Variants in TTLL5 observed in about 807,000 individuals in gnomAD.
The protein encoded by TTLL5 is tubulin tyrosine ligase like 5.
A neutral mutation model predicts 168.4 loss-of-function variants in TTLL5; 132 were observed. The observed-to-expected ratio is 0.78, with a 90% CI of 0.68 to 0.91. The LOEUF (loss-of-function observed/expected upper bound fraction) is 0.91. Among genes scored for constraint, TTLL5 ranks in the 40% least tolerant of loss-of-function variants. The pLI, the probability that TTLL5 is intolerant of heterozygous loss-of-function variation, is 0.00. For missense variants in TTLL5, 1,545 were observed against 1,581.5 expected, an observed-to-expected ratio of 0.98 and a Z score of 0.39; for synonymous variants, 546 against 558.6, an observed-to-expected ratio of 0.98 and a Z score of 0.32.
At position 75,789,032 on chromosome 14, in the gene TTLL5, G is replaced by A. The variant is rs539949191; in HGVS notation, c.2987-3884G>A. Reference sequence around the variant, plus strand: ...CATGGTACATGCAGAAAAAGAATTCGATAAAATTCTGCACTCATTCATGAT... The same window carrying A: ...CATGGTACATGCAGAAAAAGAATTCAATAAAATTCTGCACTCATTCATGAT... On this transcript the variant is annotated intron_variant, in intron 26 of 31. Transcript: ENST00000298832. 4.6e-5 allele frequency among the ~76,000 whole-genome samples: 7 copies of A among 152,158 alleles called. No individual in the cohort carries two copies. The South Asian group carries it at 1.5e-3, about 32-fold the overall frequency.
At chr14:75,913,514 T>G (rs746870995) in intron 31 of TTLL5, among the ~76,000 whole-genome samples, 2 of 152,260 alleles carry the variant, frequency 1.3e-5, no homozygotes, top group African/African-American at 2.4e-5. Context: ...TCTAAAACTC[T>G]AGGGTCTAGC....
intron 28 of TTLL5, among the ~76,000 whole-genome samples, chr14:75,829,896 A>G (rs1024985013): frequency 6.6e-5 from 10 of 152,206 alleles, no homozygotes; most frequent in Admixed American, 5.2e-4. Flanking sequence ...TCAAGCTGGC[A>G]TATCCGTAAA....
intron 31 of TTLL5, among the ~76,000 whole-genome samples, chr14:75,918,155 A>G (rs1327369720): frequency 6.6e-6 from 1 of 152,210 alleles, no homozygotes; most frequent in Non-Finnish European, 1.5e-5. Flanking sequence ...TCCCCCTTTC[A>G]AAAACACTTT....
At chr14:75,681,241 G>A (rs930892581) in intron 3 of TTLL5, among the ~76,000 whole-genome samples, 33 of 152,086 alleles carry the variant, frequency 2.2e-4, no homozygotes, top group Admixed American at 2.2e-3. Flanking sequence ...GTCTGTTAGT[G>A]GCAGGGTCAC....
At chr14:75,812,942 G>T (rs1894142366) in intron 27 of TTLL5, among the ~76,000 whole-genome samples, 2 of 152,174 alleles carry the variant, frequency 1.3e-5, no homozygotes, top group Admixed American at 1.3e-4. Context: ...GGTGCTCTTG[G>T]TCCAGAGACC....
chr14:75,880,172 T>C (rs1040530089), intron 29 of TTLL5, among the ~76,000 whole-genome samples: 9 of 152,042 alleles, frequency 5.9e-5, no homozygotes, highest in African/African-American at 1.9e-4. Context: ...TACATACATA[T>C]ATAGATATAT....
At chr14:75,751,788 A>C (rs1320967570) in intron 17 of TTLL5, among the ~76,000 whole-genome samples, 2 of 152,150 alleles carry the variant, frequency 1.3e-5, no homozygotes, top group African/African-American at 4.8e-5. Flanking sequence ...GGGTTCTTGG[A>C]TCTTATACAA....
At chr14:75,911,088 C>G (rs1164058297) in intron 31 of TTLL5, among the ~76,000 whole-genome samples, 1 of 152,148 alleles carries the variant, frequency 6.6e-6, no homozygotes, top group Non-Finnish European at 1.5e-5. Context: ...AGTGCAGCGG[C>G]ATGATCTCAG....
intron 21 of TTLL5, among the ~76,000 whole-genome samples, chr14:75,773,955 GAA>G (rs56888879): frequency 0.014 from 514 of 37,128 alleles, 3 homozygotes; most frequent in South Asian, 0.021. Context: ...GAGAGAGAGA[GAA>G]AGAGAGAGAG....
chr14:75,669,643 G>A, intron 3 of TTLL5, 121 bp downstream of exon 3: 1 of 618,818 alleles, frequency 1.6e-6, no homozygotes, highest in Non-Finnish European at 2.6e-6. Context: ...AATCAATTGA[G>A]TTGTTATACT....
intron 28 of TTLL5, chr14:75,837,412 A>G (rs1190384964): frequency 6.6e-6 from 1 of 152,204 alleles, no homozygotes. Flanking sequence ...AAAAATTATT[A>G]TTTTAAAAAT....
intron 29 of TTLL5, among the ~76,000 whole-genome samples, chr14:75,869,333 G>A (rs1384600411): frequency 6.6e-6 from 1 of 152,028 alleles, no homozygotes; most frequent in African/African-American, 2.4e-5. Context: ...TTGGAAATAG[G>A]CCACTCTAGA....
intron 9 of TTLL5, chr14:75,709,156 C>A: frequency 2.6e-6 from 2 of 757,160 alleles, no homozygotes; most frequent in South Asian, 1.4e-5. Context: ...AAAGCCTGGT[C>A]TGTGTATGTT....
chr14:75,726,977 C>A (rs934119928), intron 12 of TTLL5, among the ~76,000 whole-genome samples: 2 of 152,048 alleles, frequency 1.3e-5, no homozygotes, highest in Non-Finnish European at 2.9e-5. Flanking sequence ...TTCTAGGAAC[C>A]AAGCTGACAT....
At position 75,680,131 on chromosome 14, in the gene TTLL5, A is replaced by G. The variant is rs1017669780; in HGVS notation, c.182-1414A>G. On this transcript the variant is annotated intron_variant, in intron 3 of 31. Coordinates refer to ENST00000298832, the MANE Select transcript of TTLL5 (RefSeq NM_015072.5). ...AAATTCTTCAGCAGAATTCTTAGCT[A>G]ACTTTTTCAGTTAGTAGTGGTGCAT... Among the ~76,000 whole-genome samples the G allele has an allele frequency of 5.9e-5, 9 of 152,362 alleles. No homozygotes were observed. In the Middle Eastern group the frequency reaches 0.01, roughly 173 times the overall value.
intron 9 of TTLL5, among the ~76,000 whole-genome samples, chr14:75,708,989 C>T (rs1016369127): frequency 3.3e-5 from 5 of 152,236 alleles, no homozygotes; most frequent in South Asian, 2.1e-4. Flanking sequence ...GCAAAAAACT[C>T]ATAATATTTT....
At chr14:75,672,966 T>C (rs1330224674) in intron 3 of TTLL5, among the ~76,000 whole-genome samples, 1 of 152,096 alleles carries the variant, frequency 6.6e-6, no homozygotes, top group Non-Finnish European at 1.5e-5. Flanking sequence ...AGTGACAAAG[T>C]CTCACTCTGT....
intron 18 of TTLL5, among the ~76,000 whole-genome samples, chr14:75,761,547 T>G (rs1286103555): frequency 6.6e-6 from 1 of 152,136 alleles, no homozygotes; most frequent in Non-Finnish European, 1.5e-5. Flanking sequence ...AGAGTGAATC[T>G]CAAAAGCATG....
chr14:75,687,291 G>T (rs969694623), intron 5 of TTLL5, among the ~76,000 whole-genome samples: 2 of 152,012 alleles, frequency 1.3e-5, no homozygotes, highest in African/African-American at 2.4e-5. Context: ...GTTTTTTTGT[G>T]GGGGGACAGT....
Sources: gnomAD v4.1 joint callset for allele counts (sites outside exome capture counted in the v4.1 genomes callset) on GRCh38, gnomAD v4.1.1 for gene constraint, MANE v1.5 for transcripts, NCBI Gene and HGNC (gene_info 2026-07-23, HGNC 2026-07-21) for gene names.